Variants in CNTNAP2 observed in about 807,000 individuals in gnomAD.
CNTNAP2 encodes the protein contactin-associated protein-like 2.
In CNTNAP2, 98 loss-of-function variants were observed where a neutral mutation model predicts 155.2. That is an observed-to-expected ratio of 0.63 (90% confidence interval 0.54 to 0.75). CNTNAP2 has a LOEUF of 0.75. Among genes scored for constraint, CNTNAP2 ranks in the 30% least tolerant of loss-of-function variants. CNTNAP2 has a pLI of 0.00. For synonymous variants in CNTNAP2, 651 were observed against 631.2 expected (o/e 1.03, Z -0.47); for missense variants, 1,727 against 1,688.1 (o/e 1.02, Z -0.40).
chr7:147,330,661 T>A (rs1795543729), intron 9 of CNTNAP2, among the ~76,000 whole-genome samples: 1 of 152,200 alleles, frequency 6.6e-6, no homozygotes, highest in Non-Finnish European at 1.5e-5. Context: ...CCCAAACTTA[T>A]AACATCCTTC....
intron 2 of CNTNAP2, among the ~76,000 whole-genome samples, chr7:146,778,642 C>A (rs932847239): frequency 6.6e-6 from 1 of 152,178 alleles, no homozygotes; most frequent in Admixed American, 6.5e-5. Flanking sequence ...TTGAAAGTTT[C>A]AAACAGCATA....
intron 11 of CNTNAP2, among the ~76,000 whole-genome samples, chr7:147,535,716 G>A (rs1366618753): frequency 1.3e-5 from 2 of 152,198 alleles, no homozygotes; most frequent in African/African-American, 4.8e-5. Flanking sequence ...CTCAGGCCAA[G>A]CTTCCATCTG....
At chr7:147,982,931 T>C (rs555795226) in intron 15 of CNTNAP2, among the ~76,000 whole-genome samples, 1 of 148,226 alleles carries the variant, frequency 6.7e-6, no homozygotes, top group South Asian at 2.1e-4. Flanking sequence ...GGCAGGAGAA[T>C]CATTTGAATC....
intron 13 of CNTNAP2, among the ~76,000 whole-genome samples, chr7:147,870,371 C>G (rs10952715): frequency 0.3 from 45,823 of 151,948 alleles, 7,544 homozygotes; most frequent in Middle Eastern, 0.41. Flanking sequence ...ATATGAGGAG[C>G]CCCACATCTT....
intron 15 of CNTNAP2, among the ~76,000 whole-genome samples, chr7:148,029,868 C>T (rs190049131): frequency 6.6e-6 from 1 of 152,274 alleles, no homozygotes; most frequent in Admixed American, 6.5e-5. Flanking sequence ...GCAAATACTC[C>T]TGTAAGGTAT....
intron 21 of CNTNAP2, among the ~76,000 whole-genome samples, chr7:148,341,316 T>A (rs539869583): frequency 1.4e-4 from 22 of 152,102 alleles, no homozygotes; most frequent in African/African-American, 5.3e-4. Context: ...TGAGCTATAC[T>A]ACCTAGTTCT....
chr7:147,049,442 C>A (rs1213776658), intron 4 of CNTNAP2, among the ~76,000 whole-genome samples: 1 of 152,044 alleles, frequency 6.6e-6, no homozygotes, highest in Admixed American at 6.5e-5. Flanking sequence ...AGAATGAGTC[C>A]TTAGAAGATG....
chr7:147,508,828 C>T (rs1445072599), intron 11 of CNTNAP2, among the ~76,000 whole-genome samples: 5 of 152,194 alleles, frequency 3.3e-5, no homozygotes. Context: ...TCGCCTTCTG[C>T]CATGATTGTG....
In CNTNAP2 at chr7:146,145,032, C is replaced by T. The variant is rs576993574; in HGVS notation, c.97+28059C>T. Among the ~76,000 whole-genome samples the T allele has an allele frequency of 1.6e-4, 24 of 152,208 alleles. 1 individual carries two copies. In the South Asian group the frequency reaches 4.6e-3, roughly 29 times the overall value. ...ATGGATTTGATGAATTTTGTCCAAACGTTGGAATTTGGACTGGTCAGATAC... is the reference window on the plus strand; with the variant it reads ...ATGGATTTGATGAATTTTGTCCAAATGTTGGAATTTGGACTGGTCAGATAC... On this transcript the variant is annotated intron_variant, in intron 1 of 23. Transcript: ENST00000361727.
chr7:146,607,391 G>C (rs1352803811), intron 1 of CNTNAP2, among the ~76,000 whole-genome samples: 1 of 151,986 alleles, frequency 6.6e-6, no homozygotes, highest in Non-Finnish European at 1.5e-5. Context: ...CTTCACACAC[G>C]AATGGGCATT....
chr7:147,591,349 C>T (rs1800730814), intron 12 of CNTNAP2, among the ~76,000 whole-genome samples: 1 of 152,082 alleles, frequency 6.6e-6, no homozygotes, highest in Non-Finnish European at 1.5e-5. Flanking sequence ...TTTGTGTTTT[C>T]AAATGGTCTT....
chr7:146,161,585 A>G (rs199628603), intron 1 of CNTNAP2, among the ~76,000 whole-genome samples: 3 of 152,268 alleles, frequency 2.0e-5, no homozygotes, highest in Non-Finnish European at 2.9e-5. Flanking sequence ...TGGCCATACT[A>G]CCCAAGGTAA....
At chr7:148,320,459 T>C (rs969461614) in intron 21 of CNTNAP2, among the ~76,000 whole-genome samples, 2 of 140,584 alleles carry the variant, frequency 1.4e-5, no homozygotes, top group Non-Finnish European at 3.0e-5. Context: ...TCTCCACTCA[T>C]GGCACCCTCC....
intron 11 of CNTNAP2, among the ~76,000 whole-genome samples, chr7:147,495,409 A>C (rs777792738): frequency 3.5e-4 from 53 of 152,232 alleles, no homozygotes; most frequent in Non-Finnish European, 7.1e-4. Context: ...AGGGAAATTG[A>C]CAAACCCTGT....
chr7:146,797,092 C>T (rs188149501), intron 2 of CNTNAP2, among the ~76,000 whole-genome samples: 408 of 152,108 alleles, frequency 2.7e-3, no homozygotes, highest in African/African-American at 9.1e-3. Context: ...GCCAAGATCG[C>T]GCTACTGCAC....
chr7:147,102,282 G>GAAAAAAAAAAAAAAAAA (rs555981471), intron 4 of CNTNAP2, among the ~76,000 whole-genome samples: 77 of 110,272 alleles, frequency 7.0e-4, no homozygotes, highest in African/African-American at 1.6e-3. Flanking sequence ...TAGGCAAAAA[G>GAAAAAAAAAAAAAAAAA]AAAAAAAAAA....
At chr7:148,314,784 C>T (rs952042412) in intron 21 of CNTNAP2, among the ~76,000 whole-genome samples, 2 of 152,148 alleles carry the variant, frequency 1.3e-5, no homozygotes, top group Admixed American at 6.5e-5. Context: ...CAGGCGTCCC[C>T]GTGTGGTCAG....
chr7:148,257,985 C>T (rs1242698953), intron 20 of CNTNAP2, among the ~76,000 whole-genome samples: 2 of 152,194 alleles, frequency 1.3e-5, no homozygotes, highest in Admixed American at 6.5e-5. Context: ...GAACATGGCT[C>T]AGCCAGTGCT....
At chr7:146,961,662 T>C (rs920232154) in intron 3 of CNTNAP2, among the ~76,000 whole-genome samples, 5 of 152,120 alleles carry the variant, frequency 3.3e-5, no homozygotes, top group African/African-American at 1.2e-4. Context: ...AATATCGTCA[T>C]GGTGGAATGA....
Sources: gnomAD v4.1 joint callset for allele counts (sites outside exome capture counted in the v4.1 genomes callset) on GRCh38, gnomAD v4.1.1 for gene constraint, MANE v1.5 for transcripts, NCBI Gene and HGNC (gene_info 2026-07-23, HGNC 2026-07-21) for gene names.